The following BAZ1A variants were observed in gnomAD, a reference collection of about 807,000 sequenced individuals.
BAZ1A encodes the protein bromodomain adjacent to zinc finger domain 1A, also known as bromodomain adjacent to zinc finger domain protein 1A.
In BAZ1A, 50 loss-of-function variants were observed where a neutral mutation model predicts 185.2. The observed-to-expected ratio is 0.27, with a 90% CI of 0.22 to 0.34. BAZ1A has a LOEUF of 0.34. Among genes scored for constraint, BAZ1A ranks in the 10% least tolerant of loss-of-function variants. The pLI, the probability that BAZ1A is intolerant of heterozygous loss-of-function variation, is 1.00. For missense variants in BAZ1A, 1,356 were observed against 1,839.9 expected (o/e 0.74, Z 4.81); for synonymous variants, 571 against 615.6 (o/e 0.93, Z 1.07).
Position 34,753,247 on chromosome 14 carries a change from G to C in BAZ1A, c.*261C>G, listed in dbSNP as rs1044965288. 1.8e-5 allele frequency: 7 copies of C among 384,722 alleles called. No individual in the cohort carries two copies. The highest frequency in any genetic ancestry group is 2.8e-5 in the Non-Finnish European group (6 of 213,538). 23.8% of individuals were successfully genotyped at this position (384,722 alleles called of 1,614,324 possible). Reference sequence around the variant, plus strand: ...TTCCAAGATCTCTGGACACATGAATGATCTCAAAAATGTACAAAAACCTCT... The same window carrying C: ...TTCCAAGATCTCTGGACACATGAATCATCTCAAAAATGTACAAAAACCTCT... On this transcript the variant is annotated 3_prime_UTR_variant, in exon 27 of 27. Transcript: ENST00000360310.
chr14:34,805,812 A>G (rs1368031532), intron 6 of BAZ1A, among the ~76,000 whole-genome samples: 1 of 151,406 alleles, frequency 6.6e-6, no homozygotes, highest in African/African-American at 2.4e-5. Flanking sequence ...TTCTCTAGTT[A>G]ATTTGCGTTC....
chr14:34,865,475 T>C (rs2042842634), intron 2 of BAZ1A, among the ~76,000 whole-genome samples: 1 of 152,214 alleles, frequency 6.6e-6, no homozygotes, highest in South Asian at 2.1e-4. Context: ...TATTTCCTGG[T>C]TAGCACATCT....
intron 23 of BAZ1A, among the ~76,000 whole-genome samples, chr14:34,762,951 C>T (rs192649503): frequency 1.0e-3 from 158 of 152,214 alleles, no homozygotes; most frequent in African/African-American, 3.7e-3. Flanking sequence ...AGGAGACTAC[C>T]ACTTTTCATT....
intron 6 of BAZ1A, among the ~76,000 whole-genome samples, chr14:34,804,077 G>A (rs546676849): frequency 7.9e-4 from 120 of 151,978 alleles, no homozygotes; most frequent in African/African-American, 2.7e-3. Flanking sequence ...GCATGATCTC[G>A]GCTCACTGCA....
At chr14:34,868,485 G>A (rs2042897141) in intron 2 of BAZ1A, among the ~76,000 whole-genome samples, 1 of 152,140 alleles carries the variant, frequency 6.6e-6, no homozygotes, top group East Asian at 1.9e-4. Context: ...AAACCTAGTA[G>A]GGGAAGATTA....
chr14:34,796,165 TACAC>T lies in BAZ1A; in HGVS notation c.1129-404_1129-401del, dbSNP rs61285890. 2.9e-4 allele frequency among the ~76,000 whole-genome samples: 42 copies of T among 146,606 alleles called. No homozygotes were observed. In the East Asian group the frequency reaches 3.0e-3, roughly 10 times the overall value. ...AAATACAAACACATATACATATACA[TACAC>T]ACACACACACACACACACACACATA... On this transcript the variant is annotated intron_variant, in intron 9 of 26. Coordinates refer to ENST00000360310, the MANE Select transcript of BAZ1A (RefSeq NM_013448.3).
intron 2 of BAZ1A, among the ~76,000 whole-genome samples, chr14:34,868,523 G>A (rs187692718): frequency 4.5e-4 from 69 of 152,276 alleles, no homozygotes. Flanking sequence ...CAGAAACTAG[G>A]CCGGGTGCCG....
intron 3 of BAZ1A, among the ~76,000 whole-genome samples, chr14:34,846,529 T>A (rs1246207159): frequency 6.6e-6 from 1 of 152,230 alleles, no homozygotes; most frequent in Non-Finnish European, 1.5e-5. Context: ...GTTGAGTCCA[T>A]GCAGAAACAT....
intron 25 of BAZ1A, 87 bp from the exon 26 acceptor site, chr14:34,755,001 G>C: frequency 1.1e-6 from 1 of 898,832 alleles, no homozygotes; most frequent in South Asian, 1.6e-5. Context: ...GCACTAAAAA[G>C]CAACTCAATA....
intron 3 of BAZ1A, among the ~76,000 whole-genome samples, chr14:34,828,925 G>A (rs559106410): frequency 3.6e-4 from 55 of 152,272 alleles, no homozygotes; most frequent in African/African-American, 1.3e-3. Context: ...CAAAGCAAGG[G>A]AAAGGCCAAG....
intron 3 of BAZ1A, among the ~76,000 whole-genome samples, chr14:34,848,006 C>T (rs187557488): frequency 5.9e-5 from 9 of 152,158 alleles, no homozygotes; most frequent in African/African-American, 9.6e-5. Context: ...ACTACAGGCA[C>T]GCACTACCAA....
chr14:34,780,165 C>G lies in BAZ1A; in HGVS notation c.2236+21G>C, dbSNP rs370115272. 16 of 1,611,286 alleles carry G rather than the reference C, an allele frequency of 9.9e-6. No individual in the cohort carries two copies. In the African/African-American group the frequency reaches 1.5e-4, roughly 15 times the overall value. The stretch of plus-strand genomic sequence containing the variant: ...TTAAAAACAAATACACAAGAATGCC[C>G]TAAAGAAATTTCAGTATTACCCCTT... On this transcript the variant is annotated intron_variant, in intron 17 of 26. Transcript: ENST00000360310.
rs187355527 is a variant in BAZ1A, at chr14:34,757,982, C to T, written c.4386+722G>A. On this transcript the variant is annotated intron_variant, in intron 25 of 26. Transcript: ENST00000360310. ...CAGGATGGTCTTGATCTCCTGACCT[C>T]GTGATCCGCCCGCCTCGGCCTCCCA... Among the ~76,000 whole-genome samples the T allele has an allele frequency of 7.6e-3, 1,152 of 151,020 alleles. 13 individuals are homozygous for T. The highest frequency in any genetic ancestry group is 0.027 in the African/African-American group (1,106 of 41,240).
At position 34,774,343 on chromosome 14, in the gene BAZ1A, G is replaced by A. The variant is rs1879447809; in HGVS notation, c.2981C>T (p.Thr994Ile). 8 of 1,610,954 alleles carry A rather than the reference G, an allele frequency of 5.0e-6. No homozygotes were observed. Among genetic ancestry groups the A allele is most frequent in the East Asian group, 2.2e-5 (1 of 44,818 alleles). Reference protein sequence around the residue: ...LDIEDRIYQGTLGAIKVTDRH... With the variant: ...LDIEDRIYQGILGAIKVTDRH... ...AGTACAAACCTTGATGGCTCCTAATGTTCCTTGGTAGATTCTATCTTCAAT... is the reference window on the plus strand; with the variant it reads ...AGTACAAACCTTGATGGCTCCTAATATTCCTTGGTAGATTCTATCTTCAAT... The change falls in exon 19 of 27, where the codon ACA becomes ATA. Residue 994 changes from threonine to isoleucine, a missense_variant. Thr to Ile is a moderately conservative substitution (Grantham distance 89). Transcript: ENST00000360310.
chr14:34,865,139 T>G (rs1423664292), intron 2 of BAZ1A, among the ~76,000 whole-genome samples: 1 of 152,056 alleles, frequency 6.6e-6, no homozygotes, highest in Non-Finnish European at 1.5e-5. Context: ...TTCGAGCTAC[T>G]CCGGAGGCCG....
At position 34,874,702 on chromosome 14, in the gene BAZ1A, G is replaced by C. The variant is rs1213584371; in HGVS notation, c.-58-40C>G. On this transcript the variant is annotated intron_variant, in intron 1 of 26. Transcript: ENST00000360310. This position sits in a 1 kb window ranked among gnomAD's most constrained non-coding sequence, Gnocchi z 4.7. ...GGGAAAGGAAAGCCGGTAAGGTGGG[G>C]AGCCCTCGGCGGCAGCGTGGGCCGG... 2.8e-6 allele frequency: 3 copies of C among 1,067,448 alleles called. No homozygotes were observed. The highest frequency in any genetic ancestry group is 4.0e-6 in the Non-Finnish European group (3 of 752,616). The allele number at this position is 1,067,448 out of a possible 1,614,324, so 66.1% of individuals were successfully genotyped here.
chr14:34,851,682 A>AGTGTCTTT (rs2042599110), intron 3 of BAZ1A, among the ~76,000 whole-genome samples: 1 of 152,124 alleles, frequency 6.6e-6, no homozygotes, highest in African/African-American at 2.4e-5. Flanking sequence ...AACAAGGCAC[A>AGTGTCTTT]GTGGCCCATG....
chr14:34,850,337 C>T (rs1209592510), intron 3 of BAZ1A, among the ~76,000 whole-genome samples: 1 of 152,072 alleles, frequency 6.6e-6, no homozygotes, highest in African/African-American at 2.4e-5. Context: ...GAGATCCCAC[C>T]ACTGCACTCC....
rs1886095477 is a variant in BAZ1A at position 34,753,285 on chromosome 14, T to C, written c.*223A>G. On this transcript the variant is annotated 3_prime_UTR_variant, in exon 27 of 27. Transcript: ENST00000360310. ...TACAAAAACCTCTGTAAACCAGTAC[T>C]GTATCCAATACATCTATCAAACTTA... 7.9e-6 allele frequency: 4 copies of C among 503,318 alleles called. No homozygotes were observed. In the East Asian group the frequency reaches 9.5e-5, roughly 12 times the overall value. 31.2% of individuals were successfully genotyped at this position (503,318 alleles called of 1,614,324 possible).
Sources: gnomAD v4.1 joint callset for allele counts (sites outside exome capture counted in the v4.1 genomes callset) on GRCh38, gnomAD v4.1.1 for gene constraint, Gnocchi (gnomAD v3.1) non-coding constraint, MANE v1.5 for transcripts, NCBI Gene and HGNC (gene_info 2026-07-23, HGNC 2026-07-21) for gene names.